Variants in GABRB3 observed in about 807,000 individuals in gnomAD.
GABRB3 encodes the protein gamma-aminobutyric acid type A receptor subunit beta3.
Under a neutral mutation model 52.1 loss-of-function variants are expected in GABRB3, and 14 were observed. The observed-to-expected ratio is 0.27, with a 90% CI of 0.18 to 0.42. The LOEUF is 0.42. GABRB3 is among the 10% of genes least tolerant of loss of function. GABRB3 has a pLI of 1.00. For synonymous variants in GABRB3, 260 were observed against 232.3 expected (o/e 1.12, Z -1.08); for missense variants, 307 against 609.1 (o/e 0.50, Z 5.22).
chr15:26,636,424 C>T (rs1473173058), intron 3 of GABRB3, among the ~76,000 whole-genome samples: 1 of 152,102 alleles, frequency 6.6e-6, no homozygotes, highest in African/African-American at 2.4e-5. Context: ...ACCTAAATGG[C>T]TCATCTTCTT....
At chr15:26,760,702 T>C (rs567281329) in intron 3 of GABRB3, among the ~76,000 whole-genome samples, 1 of 152,128 alleles carries the variant, frequency 6.6e-6, no homozygotes, top group Non-Finnish European at 1.5e-5. Flanking sequence ...TTGATATAGA[T>C]ACAGATATAG....
At chr15:26,736,699 C>G (rs7179279) in intron 3 of GABRB3, among the ~76,000 whole-genome samples, 114,920 of 152,236 alleles carry the variant, frequency 0.75, 44,008 homozygotes, top group South Asian at 0.84. Flanking sequence ...AGCTTTGTGA[C>G]CTAAGAAAGG....
intron 3 of GABRB3, among the ~76,000 whole-genome samples, chr15:26,763,607 TACACACACACACAC>T (rs150301275): frequency 2.1e-5 from 3 of 145,856 alleles, no homozygotes; most frequent in South Asian, 2.2e-4. Flanking sequence ...TCTGCATAGA[TACACACACACACAC>T]ACACACACAC....
At chr15:26,726,175 CAT>C (rs910382627) in intron 3 of GABRB3, among the ~76,000 whole-genome samples, 1 of 152,110 alleles carries the variant, frequency 6.6e-6, no homozygotes, top group Admixed American at 6.5e-5. Flanking sequence ...CAGCCCATCA[CAT>C]GAGGTCAGAT....
intron 3 of GABRB3, among the ~76,000 whole-genome samples, chr15:26,629,700 T>C (rs61998701): frequency 0.38 from 57,125 of 151,956 alleles, 11,634 homozygotes; most frequent in Middle Eastern, 0.58. Flanking sequence ...GTGCAGCTTC[T>C]GAGTTCACCG....
chr15:26,583,548 A>G (rs1890864016), intron 4 of GABRB3, 134 bp from the exon 5 acceptor site: 1 of 681,470 alleles, frequency 1.5e-6, no homozygotes, highest in Non-Finnish European at 2.7e-6. Context: ...CATTCACTAT[A>G]TATAGAGAGA....
At chr15:26,745,642 C>T (rs530762093) in intron 3 of GABRB3, among the ~76,000 whole-genome samples, 7 of 152,318 alleles carry the variant, frequency 4.6e-5, no homozygotes, top group East Asian at 1.9e-4. Context: ...CACTGGCCTC[C>T]GCCATCTATC....
At chr15:26,713,647 G>T (rs1889374171) in intron 3 of GABRB3, among the ~76,000 whole-genome samples, 1 of 152,220 alleles carries the variant, frequency 6.6e-6, no homozygotes, top group Non-Finnish European at 1.5e-5. Context: ...GGCAATGCTG[G>T]CACAGGAAGG....
At chr15:26,548,225 G>GTTGCATGTT (rs1889333404) in intron 8 of GABRB3, 91 bp from the exon 9 acceptor site, 1 of 1,004,582 alleles carries the variant, frequency 1.0e-6, no homozygotes, top group Non-Finnish European at 1.6e-6. Context: ...GCCATCACAT[G>GTTGCATGTT]TTGCATGTTT....
chr15:26,690,686 T>C (rs1371881277), intron 3 of GABRB3, among the ~76,000 whole-genome samples: 4 of 151,956 alleles, frequency 2.6e-5, no homozygotes, highest in Non-Finnish European at 5.9e-5. Flanking sequence ...TCCCACTTAG[T>C]GTTTGTGCTG....
chr15:26,743,089 C>T (rs1890253569), intron 3 of GABRB3, among the ~76,000 whole-genome samples: 1 of 152,040 alleles, frequency 6.6e-6, no homozygotes, highest in Non-Finnish European at 1.5e-5. Context: ...ACCAACACGC[C>T]AGGCCAATTT....
chr15:26,665,501 T>C (rs1373234590), intron 3 of GABRB3, among the ~76,000 whole-genome samples: 3 of 152,222 alleles, frequency 2.0e-5, no homozygotes, highest in Non-Finnish European at 2.9e-5. Context: ...ACAGTAATAA[T>C]AGCAAATTAA....
intron 7 of GABRB3, among the ~76,000 whole-genome samples, chr15:26,565,330 C>T (rs575622328): frequency 6.6e-6 from 1 of 152,282 alleles, no homozygotes; most frequent in South Asian, 2.1e-4. Flanking sequence ...GTCAGTCATA[C>T]TCTGAGAGCT....
chr15:26,629,046 C>T (rs1453999242), intron 3 of GABRB3: 2 of 1,536,136 alleles, frequency 1.3e-6, no homozygotes, highest in East Asian at 2.4e-5. Context: ...GCTGAGGTCC[C>T]AAAGACTCCG....
intron 6 of GABRB3, among the ~76,000 whole-genome samples, chr15:26,579,168 G>T (rs1890698482): frequency 6.6e-6 from 1 of 152,294 alleles, no homozygotes; most frequent in African/African-American, 2.4e-5. Flanking sequence ...ACACACCCAG[G>T]ACACATTGGG....
chr15:26,564,392 A>G (rs970543511), intron 7 of GABRB3, among the ~76,000 whole-genome samples: 2 of 152,182 alleles, frequency 1.3e-5, no homozygotes, highest in Middle Eastern at 6.3e-3. Context: ...CAGCAGAAGC[A>G]TATCATGCTG....
chr15:26,648,759 G>A (rs1566790271), intron 3 of GABRB3, among the ~76,000 whole-genome samples: 1 of 152,238 alleles, frequency 6.6e-6, no homozygotes, highest in Non-Finnish European at 1.5e-5. Context: ...GCAGGGCGAG[G>A]CAGGAGACAG....
chr15:26,626,286 T>C (rs909572576), intron 3 of GABRB3, among the ~76,000 whole-genome samples: 1 of 152,270 alleles, frequency 6.6e-6, no homozygotes, highest in East Asian at 1.9e-4. Context: ...CCCTTAACCC[T>C]GTATCTCTCC....
At chr15:26,619,383 T>C (rs369207734) in intron 4 of GABRB3, among the ~76,000 whole-genome samples, 14 of 151,426 alleles carry the variant, frequency 9.2e-5, no homozygotes, top group South Asian at 2.1e-4. Context: ...ATGGATGAAA[T>C]TGGAAATCAT....
Sources: gnomAD v4.1 joint callset for allele counts (sites outside exome capture counted in the v4.1 genomes callset) on GRCh38, gnomAD v4.1.1 for gene constraint, MANE v1.5 for transcripts, NCBI Gene and HGNC (gene_info 2026-07-23, HGNC 2026-07-21) for gene names.